FKBP7: variants seen among roughly 807,000 people sequenced by gnomAD.
FKBP7 encodes the protein peptidyl-prolyl cis-trans isomerase FKBP7.
Under a neutral mutation model 24.3 loss-of-function variants are expected in FKBP7, and 24 were observed. The ratio of observed to expected loss-of-function variants is 0.99; its 90% confidence interval spans 0.72 to 1.39. FKBP7 has a LOEUF of 1.39. FKBP7 is among the 40% of genes most tolerant of loss of function. The probability of loss-of-function intolerance (pLI) is 0.00; values close to 1 mark genes in which losing one functional copy is unlikely to be tolerated. For synonymous variants in FKBP7, 98 were observed against 92.8 expected (o/e 1.06, Z -0.32); for missense variants, 257 against 269.5 (o/e 0.95, Z 0.33).
At position 178,478,486 on chromosome 2, in the gene FKBP7, A is replaced by C; in HGVS notation, c.14T>G (p.Met5Arg). 1 of 1,614,072 alleles carries C rather than the reference A, an allele frequency of 6.2e-7. No individual in the cohort carries two copies. Among genetic ancestry groups the C allele is most frequent in the Non-Finnish European group, 8.5e-7 (1 of 1,180,016 alleles). ...AACAATGAATCTGAATAAGAAATGC[A>C]TGGTTTTTGGCATCGGCTCCAGCAG... Reference protein sequence around the residue: MPKTMHFLFRFIVFF... With the variant: MPKTRHFLFRFIVFF... The change falls in exon 1 of 4, where the codon ATG (methionine) becomes AGG (arginine). Residue 5 changes from methionine to arginine, a missense_variant. By Grantham distance (91) the Met-to-Arg change is moderately conservative (BLOSUM62 -1). Transcript: ENST00000424785.
intron 2 of FKBP7, among the ~76,000 whole-genome samples, chr2:178,471,270 C>T (rs1216568890): frequency 1.3e-5 from 2 of 151,448 alleles, no homozygotes; most frequent in African/African-American, 4.9e-5. Context: ...AGTGCAATGG[C>T]ACGATCTCGG....
At chr2:178,466,027 A>T (rs1684647232) in intron 3 of FKBP7, 96 bp from the exon 4 acceptor site, 5 of 1,048,074 alleles carry the variant, frequency 4.8e-6, no homozygotes, top group African/African-American at 1.6e-5. Context: ...CTCATGTGCA[A>T]GATTACTTAC....
At chr2:178,477,667 T>C (rs1427733350) in intron 1 of FKBP7, among the ~76,000 whole-genome samples, 1 of 152,034 alleles carries the variant, frequency 6.6e-6, no homozygotes, top group Admixed American at 6.5e-5. Context: ...TAAAATTGTA[T>C]AAATTCTTAT....
At chr2:178,469,818 G>A (rs757697893) in intron 2 of FKBP7, 33 bp from the exon 3 acceptor site, 1 of 1,582,652 alleles carries the variant, frequency 6.3e-7, no homozygotes, top group South Asian at 1.1e-5. Context: ...TTTAACTTAT[G>A]TAAAGATATA....
At chr2:178,475,205 A>T (rs1684966332) in intron 2 of FKBP7, among the ~76,000 whole-genome samples, 1 of 151,954 alleles carries the variant, frequency 6.6e-6, no homozygotes, top group African/African-American at 2.4e-5. Flanking sequence ...CTGGAAATGG[A>T]ACTATTGGAT....
At chr2:178,475,902 T>C (rs577335263) in intron 2 of FKBP7, among the ~76,000 whole-genome samples, 1 of 152,326 alleles carries the variant, frequency 6.6e-6, no homozygotes, top group East Asian at 1.9e-4. Flanking sequence ...ATTGAAAGAA[T>C]AAGATCATTT....
intron 2 of FKBP7, among the ~76,000 whole-genome samples, chr2:178,475,071 T>A (rs914635390): frequency 3.9e-5 from 6 of 152,184 alleles, no homozygotes; most frequent in Admixed American, 3.9e-4. Flanking sequence ...TGTATAGATA[T>A]ACTATAATTT....
chr2:178,465,737 T>C lies in FKBP7; in HGVS notation c.*33A>G. The C allele has an allele frequency of 3.3e-6, 5 of 1,508,068 alleles. No homozygotes were observed. The highest frequency in any genetic ancestry group is 2.6e-6 in the Non-Finnish European group (3 of 1,135,328). The allele number at this position is 1,508,068 out of a possible 1,614,324, so 93.4% of individuals were successfully genotyped here. On this transcript the variant is annotated 3_prime_UTR_variant, in exon 4 of 4. Coordinates refer to ENST00000424785, the MANE Select transcript of FKBP7 (RefSeq NM_181342.3). ...TGTTTTATACATAAAGTACAGTAAA[T>C]AGCTAAAAAAAAAAAGTAGAAATAC...
intron 2 of FKBP7, among the ~76,000 whole-genome samples, chr2:178,472,304 G>T (rs1684868424): frequency 6.6e-6 from 1 of 151,688 alleles, no homozygotes; most frequent in African/African-American, 2.4e-5. Flanking sequence ...TGAACTCCTA[G>T]CCTCAGGTGA....
chr2:178,470,391 C>T (rs1396061012), intron 2 of FKBP7, among the ~76,000 whole-genome samples: 1 of 152,178 alleles, frequency 6.6e-6, no homozygotes, highest in African/African-American at 2.4e-5. Flanking sequence ...GCTTGAGCTT[C>T]TGTGGATTTT....
chr2:178,465,106 A>C lies in FKBP7; in HGVS notation c.*664T>G, dbSNP rs1208098544. 6.6e-6 allele frequency: 1 copy of C among 152,208 alleles called. No homozygotes were observed. Among genetic ancestry groups the C allele is most frequent in the Non-Finnish European group, 1.5e-5 (1 of 68,036 alleles). 9.4% of individuals were successfully genotyped at this position (152,208 alleles called of 1,614,324 possible). ...ACAAAAGCCAGGCAGTACAGTCTTT[A>C]TGCTTGCTATAAGAGGCAAAAAGTC... On this transcript the variant is annotated 3_prime_UTR_variant, in exon 4 of 4. Transcript: ENST00000424785.
chr2:178,469,997 CT>C (rs1242993250), intron 2 of FKBP7, among the ~76,000 whole-genome samples: 7 of 148,788 alleles, frequency 4.7e-5, no homozygotes, highest in Middle Eastern at 3.4e-3. Flanking sequence ...TTTATAAATA[CT>C]TTTTTAGGAA....
At chr2:178,469,891 G>T in intron 2 of FKBP7, 106 bp from the exon 3 acceptor site, 1 of 859,022 alleles carries the variant, frequency 1.2e-6, no homozygotes, top group Non-Finnish European at 1.6e-6. Context: ...GATAAGAATT[G>T]CTATCTGAAT....
Position 178,464,822 on chromosome 2 carries a change from G to T in FKBP7, c.*948C>A, listed in dbSNP as rs963728168. On this transcript the variant is annotated 3_prime_UTR_variant, in exon 4 of 4. Transcript: ENST00000424785. Reference sequence around the variant, plus strand: ...CATGACACAAAATTGCCATGGCACTGTATATCCTCCTTTGTTTGGCACATT... The same window carrying T: ...CATGACACAAAATTGCCATGGCACTTTATATCCTCCTTTGTTTGGCACATT... 3.9e-5 allele frequency: 6 copies of T among 152,104 alleles called. No homozygotes were observed. The highest frequency in any genetic ancestry group is 1.4e-4 in the African/African-American group (6 of 41,408). 9.4% of individuals were successfully genotyped at this position (152,104 alleles called of 1,614,324 possible).
At chr2:178,478,255 C>T (rs754041291) in intron 1 of FKBP7, 24 bp downstream of exon 1, 1 of 1,612,678 alleles carries the variant, frequency 6.2e-7, no homozygotes, top group Admixed American at 1.7e-5. Flanking sequence ...ACTGGACGCA[C>T]GGGCAGCTCG....
intron 3 of FKBP7, chr2:178,467,867 A>G (rs923863782): frequency 3.3e-5 from 5 of 152,208 alleles, no homozygotes; most frequent in African/African-American, 9.7e-5. Context: ...CTTGGGTACT[A>G]TGCGAATTCA....
At chr2:178,469,999 T>C (rs1340304054) in intron 2 of FKBP7, among the ~76,000 whole-genome samples, 1 of 152,098 alleles carries the variant, frequency 6.6e-6, no homozygotes, top group Non-Finnish European at 1.5e-5. Flanking sequence ...TATAAATACT[T>C]TTTTAGGAAT....
intron 1 of FKBP7, among the ~76,000 whole-genome samples, chr2:178,477,883 T>C (rs1298672953): frequency 1.3e-5 from 2 of 152,112 alleles, no homozygotes; most frequent in Non-Finnish European, 2.9e-5. Context: ...CCTATAAAAA[T>C]CGTGCTTCTG....
chr2:178,467,482 T>G (rs1378955751), intron 3 of FKBP7, among the ~76,000 whole-genome samples: 1 of 152,214 alleles, frequency 6.6e-6, no homozygotes, highest in African/African-American at 2.4e-5. Flanking sequence ...TTGTCTTGGA[T>G]TTGCTGTGTG....
Sources: allele counts gnomAD v4.1 joint callset (sites outside exome capture counted in the v4.1 genomes callset), GRCh38; gene constraint gnomAD v4.1.1; transcripts MANE v1.5; gene names NCBI Gene and HGNC (gene_info 2026-07-23, HGNC 2026-07-21).